RCC2: variants seen among roughly 807,000 people sequenced by gnomAD.
The protein encoded by RCC2 is regulator of chromosome condensation 2.
RCC2 carries 19 observed loss-of-function variants against 64.1 expected under a neutral mutation model. The observed-to-expected ratio is 0.30, with a 90% confidence interval of 0.21 to 0.44. The LOEUF is 0.44. Among genes scored for constraint, RCC2 ranks in the 20% least tolerant of loss-of-function variants. The pLI, the probability that RCC2 is intolerant of heterozygous loss-of-function variation, is 1.00. For missense variants in RCC2, 508 were observed against 710.4 expected, an observed-to-expected ratio of 0.72 and a Z score of 3.24; for synonymous variants, 325 against 279.6, an observed-to-expected ratio of 1.16 and a Z score of -1.62.
intron 3 of RCC2, among the ~76,000 whole-genome samples, chr1:17,427,780 T>TCTTC (rs1302929386): frequency 6.6e-6 from 1 of 151,822 alleles, no homozygotes; most frequent in Non-Finnish European, 1.5e-5. Flanking sequence ...GGGTTGGGTT[T>TCTTC]CTTCCGGCCT....
At chr1:17,438,908 C>G (rs1050145952) in intron 1 of RCC2, among the ~76,000 whole-genome samples, 2 of 152,202 alleles carry the variant, frequency 1.3e-5, no homozygotes, top group Non-Finnish European at 2.9e-5. Context: ...CGGGACACTT[C>G]CAGGATTCCC....
Position 17,413,161 on chromosome 1 carries a change from C to T in RCC2, c.1225G>A (p.Gly409Arg). ...GATTCACGGGAGGTGTTGGTGGCCCCCCAGAAAAACAGACCACCTAAGGGA... is the reference window on the plus strand; with the variant it reads ...GATTCACGGGAGGTGTTGGTGGCCCTCCAGAAAAACAGACCACCTAAGGGA... ...VSEVGGLFFWGATNTSRESTM... is the reference protein window; with the variant it reads ...VSEVGGLFFWRATNTSRESTM... The change falls in exon 10 of 13, where the codon GGG becomes AGG. Residue 409 changes from glycine (G) to arginine (R), a missense_variant. Physicochemically the swap from Gly to Arg is moderately radical, Grantham distance 125. Coordinates refer to ENST00000375436, the MANE Select transcript of RCC2 (RefSeq NM_018715.4). The T allele has an allele frequency of 6.2e-7, 1 of 1,613,794 alleles. No individual in the cohort carries two copies. The highest frequency in any genetic ancestry group is 8.5e-7 in the Non-Finnish European group (1 of 1,179,798).
intron 10 of RCC2, among the ~76,000 whole-genome samples, 161 bp from the exon 11 acceptor site, chr1:17,412,355 A>C (rs146457201): frequency 5.4e-4 from 83 of 152,350 alleles, no homozygotes; most frequent in Non-Finnish European, 9.7e-4. Context: ...CCTCAATCCT[A>C]AGATTGTTCC....
At chr1:17,409,364 G>A (rs913852475) in intron 12 of RCC2, among the ~76,000 whole-genome samples, 170 bp from the exon 13 acceptor site, 1 of 152,228 alleles carries the variant, frequency 6.6e-6, no homozygotes, top group African/African-American at 2.4e-5. Context: ...CCATGTGACT[G>A]CCACCAACGC....
At chr1:17,431,006 A>C (rs2075669642) in intron 2 of RCC2, among the ~76,000 whole-genome samples, 1 of 151,604 alleles carries the variant, frequency 6.6e-6, no homozygotes, top group South Asian at 2.1e-4. Flanking sequence ...CAATAAAATA[A>C]CGCCGATGAA....
intron 3 of RCC2, among the ~76,000 whole-genome samples, chr1:17,427,245 C>T (rs1557630819): frequency 6.6e-6 from 1 of 152,168 alleles, no homozygotes; most frequent in Non-Finnish European, 1.5e-5. Flanking sequence ...CGTTCCAGCC[C>T]CACCCTCCGC....
At chr1:17,424,427 T>C (rs1313813606) in intron 4 of RCC2, among the ~76,000 whole-genome samples, 1 of 152,196 alleles carries the variant, frequency 6.6e-6, no homozygotes, top group African/African-American at 2.4e-5. Context: ...CTGTGTTCAG[T>C]GTTGGAACAC....
At chr1:17,430,232 T>G (rs1417968959) in intron 2 of RCC2, among the ~76,000 whole-genome samples, 3 of 152,192 alleles carry the variant, frequency 2.0e-5, no homozygotes, top group Admixed American at 2.0e-4. Flanking sequence ...AGGAAAAAAG[T>G]CTGGCAAGGC....
chr1:17,425,387 C>T (rs1265438130), intron 4 of RCC2, among the ~76,000 whole-genome samples, 154 bp downstream of exon 4: 3 of 152,048 alleles, frequency 2.0e-5, no homozygotes, highest in East Asian at 3.9e-4. Flanking sequence ...AGACAAGAGA[C>T]GAGCTGGGAA....
chr1:17,413,269 T>A (rs1265325194), intron 9 of RCC2, 91 bp from the exon 10 acceptor site: 1 of 1,010,902 alleles, frequency 9.9e-7, no homozygotes, highest in Non-Finnish European at 1.5e-6. Flanking sequence ...GAGGACGGGA[T>A]GGCAAACAAG....
At chr1:17,421,634 C>G (rs1246796309) in intron 6 of RCC2, among the ~76,000 whole-genome samples, 1 of 152,136 alleles carries the variant, frequency 6.6e-6, no homozygotes, top group African/African-American at 2.4e-5. Context: ...TGGAACAGAA[C>G]AGGCTTACGA....
chr1:17,424,256 C>G (rs1355258315), intron 4 of RCC2, among the ~76,000 whole-genome samples: 1 of 152,248 alleles, frequency 6.6e-6, no homozygotes, highest in Non-Finnish European at 1.5e-5. Flanking sequence ...TCCTCACCAA[C>G]TGCACTGTCT....
chr1:17,431,348 AAAAAAAAAAAAATAT>A (rs1487472807), intron 2 of RCC2, among the ~76,000 whole-genome samples: 1 of 84,738 alleles, frequency 1.2e-5, no homozygotes, highest in Non-Finnish European at 2.3e-5. Flanking sequence ...AAAAAAAAAA[AAAAAAAAAAAAATAT>A]ATATATATAT....
At chr1:17,422,954 T>A in intron 4 of RCC2, 118 bp from the exon 5 acceptor site, 2 of 1,229,976 alleles carry the variant, frequency 1.6e-6, no homozygotes, top group African/African-American at 3.3e-5. Flanking sequence ...GAAGGTACCC[T>A]CCAAATTCCC....
intron 3 of RCC2, 144 bp from the exon 4 acceptor site, chr1:17,425,828 C>T: frequency 3.8e-6 from 3 of 795,328 alleles, no homozygotes; most frequent in Non-Finnish European, 6.0e-6. Context: ...TGTTGGGAGG[C>T]TGCACAAGGA....
At chr1:17,433,883 G>A (rs892978358) in intron 2 of RCC2, among the ~76,000 whole-genome samples, 9 of 152,108 alleles carry the variant, frequency 5.9e-5, no homozygotes, top group African/African-American at 2.2e-4. Context: ...AATTACCTAA[G>A]GGCCATCAAC....
At chr1:17,419,600 C>T (rs995591228) in intron 7 of RCC2, among the ~76,000 whole-genome samples, 5 of 152,212 alleles carry the variant, frequency 3.3e-5, no homozygotes, top group African/African-American at 9.7e-5. Flanking sequence ...TGTAACTGAG[C>T]ACCTGCGAAT....
intron 2 of RCC2, among the ~76,000 whole-genome samples, chr1:17,431,072 C>T (rs369788406): frequency 6.6e-6 from 1 of 151,362 alleles, no homozygotes; most frequent in Admixed American, 6.6e-5. Context: ...GTGGCTCACA[C>T]CTGTAATCCC....
At chr1:17,432,907 G>A (rs549854622) in intron 2 of RCC2, among the ~76,000 whole-genome samples, 11 of 152,236 alleles carry the variant, frequency 7.2e-5, no homozygotes, top group African/African-American at 2.2e-4. Flanking sequence ...GCAGTGAGCC[G>A]AGATCGCGCC....
Sources: gnomAD v4.1 joint callset for allele counts (sites outside exome capture counted in the v4.1 genomes callset) on GRCh38, gnomAD v4.1.1 for gene constraint, MANE v1.5 for transcripts, NCBI Gene and HGNC (gene_info 2026-07-23, HGNC 2026-07-21) for gene names.